Variants in UBE2G2 observed in about 807,000 individuals in gnomAD.
The protein encoded by UBE2G2 is ubiquitin-conjugating enzyme E2 G2.
A neutral mutation model predicts 23.0 loss-of-function variants in UBE2G2; 10 were observed. The observed-to-expected ratio is 0.43, with a 90% CI of 0.27 to 0.74. UBE2G2 has a LOEUF of 0.74. UBE2G2 is among the 30% of genes least tolerant of loss of function. The pLI, the probability that UBE2G2 is intolerant of heterozygous loss-of-function variation, is 0.19. For missense variants in UBE2G2, 150 were observed against 218.3 expected (o/e 0.69, Z 1.97); for synonymous variants, 86 against 81.3 (o/e 1.06, Z -0.31).
At chr21:44,801,570 G>T in intron 1 of UBE2G2, 136 bp downstream of exon 1, 1 of 1,256,104 alleles carries the variant, frequency 8.0e-7, no homozygotes, top group Non-Finnish European at 1.0e-6. Context: ...CACTCCGCGG[G>T]ACCCACAGGG....
chr21:44,780,811 A>G (rs1177923240), intron 3 of UBE2G2, among the ~76,000 whole-genome samples: 1 of 152,244 alleles, frequency 6.6e-6, no homozygotes, highest in Non-Finnish European at 1.5e-5. Flanking sequence ...GTGAAAAGCG[A>G]AGATCAGCCT....
chr21:44,800,079 A>AC, intron 1 of UBE2G2: 1 of 152,378 alleles, frequency 6.6e-6, no homozygotes, highest in South Asian at 2.1e-4. Context: ...AACATCAAAG[A>AC]TTACTGATCA....
At position 44,772,876 on chromosome 21, in the gene UBE2G2, G is replaced by A. The variant is rs999007520; in HGVS notation, c.385+671C>T. Among the ~76,000 whole-genome samples, 2 of 152,054 alleles carry A rather than the reference G, an allele frequency of 1.3e-5. No homozygotes were observed. Among genetic ancestry groups the A allele is most frequent in the Admixed American group, 6.5e-5 (1 of 15,272 alleles). The stretch of plus-strand genomic sequence containing the variant: ...GTTACTGCTGCAAGGATGGCCCTTC[G>A]AAGGCACAGCTCACAGGACATCACA... On this transcript the variant is annotated intron_variant, in intron 5 of 5. Coordinates refer to ENST00000345496, the MANE Select transcript of UBE2G2 (RefSeq NM_003343.6). This position sits in a 1 kb window ranked among gnomAD's most constrained non-coding sequence, Gnocchi z 5.4.
intron 1 of UBE2G2, among the ~76,000 whole-genome samples, chr21:44,795,713 C>T (rs1019161635): frequency 4.0e-5 from 6 of 151,854 alleles, no homozygotes; most frequent in African/African-American, 1.2e-4. Flanking sequence ...GGTGGGGCAA[C>T]GGGAACACTT....
chr21:44,801,659 G>A (rs1555964836), intron 1 of UBE2G2, 47 bp downstream of exon 1: 2 of 1,501,342 alleles, frequency 1.3e-6, no homozygotes, highest in East Asian at 2.9e-5. Context: ...GCGGGCCCGG[G>A]AGCAGGAACG....
Position 44,772,780 on chromosome 21 carries a change from C to G in UBE2G2, c.385+767G>C, listed in dbSNP as rs1555960086. 6.6e-6 allele frequency among the ~76,000 whole-genome samples: 1 copy of G among 152,170 alleles called. No homozygotes were observed. The highest frequency in any genetic ancestry group is 1.5e-5 in the Non-Finnish European group (1 of 68,022). Reference sequence around the variant, plus strand: ...CCTTCCTCTTAGCCCTGGGACCACTCAGCCCTTCTCTTTTCTCTCCAGGCT... The same window carrying G: ...CCTTCCTCTTAGCCCTGGGACCACTGAGCCCTTCTCTTTTCTCTCCAGGCT... On this transcript the variant is annotated intron_variant, in intron 5 of 5. Coordinates refer to ENST00000345496, the MANE Select transcript of UBE2G2 (RefSeq NM_003343.6). This position sits in a 1 kb window ranked among gnomAD's most constrained non-coding sequence, Gnocchi z 5.4.
intron 4 of UBE2G2, 48 bp from the exon 5 acceptor site, chr21:44,773,735 G>A: frequency 6.3e-7 from 1 of 1,592,920 alleles, no homozygotes; most frequent in Non-Finnish European, 8.5e-7. Flanking sequence ...GGTGCCCGAG[G>A]CATCGCCGCG....
intron 1 of UBE2G2, chr21:44,801,441 CAAAG>C (rs1193932850): frequency 8.2e-7 from 1 of 1,218,210 alleles, no homozygotes; most frequent in Non-Finnish European, 1.0e-6. Context: ...AACAAGCCCG[CAAAG>C]ACTCAACTGT....
Position 44,770,132 on chromosome 21 carries a change from T to A in UBE2G2, c.*1245A>T, listed in dbSNP as rs2146379202. On this transcript the variant is annotated 3_prime_UTR_variant, in exon 6 of 6. Coordinates refer to ENST00000345496, the MANE Select transcript of UBE2G2 (RefSeq NM_003343.6). ...AGTGTGGGGATAAGGCACTCCTCTG[T>A]GCTCTGAGCTAAGATATGGTAGAGT... 1 of 152,362 alleles carries A rather than the reference T, an allele frequency of 6.6e-6. No homozygotes were observed. Among genetic ancestry groups the A allele is most frequent in the Middle Eastern group, 3.4e-3 (1 of 294 alleles). The allele number at this position is 152,362 out of a possible 1,614,324, so 9.4% of individuals were successfully genotyped here.
intron 1 of UBE2G2, among the ~76,000 whole-genome samples, chr21:44,798,084 G>A (rs1295010959): frequency 2.0e-5 from 3 of 151,972 alleles, no homozygotes; most frequent in Non-Finnish European, 4.4e-5. Context: ...CTTGAGCCCA[G>A]GTCAAGGCTT....
chr21:44,801,546 G>C (rs1307433503), intron 1 of UBE2G2, 160 bp downstream of exon 1: 2 of 1,159,762 alleles, frequency 1.7e-6, no homozygotes, highest in East Asian at 6.5e-5. Context: ...GTGGGCAGCG[G>C]GCGCAGGGCG....
In UBE2G2 at chr21:44,780,071, T is replaced by C. The variant is rs144190486; in HGVS notation, c.126-2654A>G. ...GATAACAGTTCTTTGTTTCTCATAA[T>C]AGGGCTTTCTTTAAAAAAAATTTTT... On this transcript the variant is annotated intron_variant, in intron 3 of 5. Transcript: ENST00000345496. Among the ~76,000 whole-genome samples the C allele has an allele frequency of 2.7e-3, 405 of 152,358 alleles. 2 individuals are homozygous for C. Among genetic ancestry groups the C allele is most frequent in the African/African-American group, 8.6e-3 (358 of 41,578 alleles).
chr21:44,773,836 G>A (rs2082892881), intron 4 of UBE2G2, 149 bp from the exon 5 acceptor site: 1 of 1,090,678 alleles, frequency 9.2e-7, no homozygotes, highest in Admixed American at 2.9e-5. Flanking sequence ...GGGGCCCTGA[G>A]TGTCACGCTT....
At position 44,777,103 on chromosome 21, in the gene UBE2G2, T is replaced by C. The variant is rs186374425; in HGVS notation, c.244+196A>G. 1,804 of 518,842 alleles carry C rather than the reference T, an allele frequency of 3.5e-3. 12 individuals carry two copies. The highest frequency in any genetic ancestry group is 3.4e-3 in the Non-Finnish European group (1,026 of 298,650). The allele number at this position is 518,842 out of a possible 1,614,324, so 32.1% of individuals were successfully genotyped here. On this transcript the variant is annotated intron_variant, in intron 4 of 5. Transcript: ENST00000345496. ...TTTTAGGTGCCTGTTGTCTTTTATC[T>C]ATATTAAACTGACCTTCAAAATTGA...
chr21:44,780,684 C>T (rs1232480358), intron 3 of UBE2G2, among the ~76,000 whole-genome samples: 9 of 152,146 alleles, frequency 5.9e-5, no homozygotes, highest in African/African-American at 1.9e-4. Flanking sequence ...TTGAAAACAC[C>T]CATGGCCTAC....
At chr21:44,793,598 C>CAT (rs1356256082) in intron 1 of UBE2G2, among the ~76,000 whole-genome samples, 2 of 146,584 alleles carry the variant, frequency 1.4e-5, no homozygotes, top group African/African-American at 2.6e-5. Flanking sequence ...GCTTCCAAAG[C>CAT]ATATACACGC....
intron 1 of UBE2G2, among the ~76,000 whole-genome samples, chr21:44,794,007 A>G (rs1157184588): frequency 6.6e-6 from 1 of 150,540 alleles, no homozygotes; most frequent in Non-Finnish European, 1.5e-5. Flanking sequence ...TTACATGAAA[A>G]AAAAGAAGGT....
rs529870054 is a variant in UBE2G2, at chr21:44,772,784, C to A, written c.385+763G>T. Among the ~76,000 whole-genome samples, 2 of 152,152 alleles carry A rather than the reference C, an allele frequency of 1.3e-5. No homozygotes were observed. The highest frequency in any genetic ancestry group is 1.3e-4 in the Admixed American group (2 of 15,278). Reference sequence around the variant, plus strand: ...CCTCTTAGCCCTGGGACCACTCAGCCCTTCTCTTTTCTCTCCAGGCTACTG... The same window carrying A: ...CCTCTTAGCCCTGGGACCACTCAGCACTTCTCTTTTCTCTCCAGGCTACTG... On this transcript the variant is annotated intron_variant, in intron 5 of 5. Transcript: ENST00000345496. This position sits in a 1 kb window ranked among gnomAD's most constrained non-coding sequence, Gnocchi z 5.4.
intron 1 of UBE2G2, chr21:44,800,544 AC>A (rs1458639763): frequency 1.3e-5 from 2 of 152,190 alleles, no homozygotes; most frequent in African/African-American, 4.8e-5. Flanking sequence ...ATACCACGCC[AC>A]CTTATAGTAG....
Sources: allele counts gnomAD v4.1 joint callset (sites outside exome capture counted in the v4.1 genomes callset), GRCh38; gene constraint gnomAD v4.1.1; non-coding constraint Gnocchi (gnomAD v3.1); transcripts MANE v1.5; gene names NCBI Gene and HGNC (gene_info 2026-07-23, HGNC 2026-07-21).